Variants in LPP observed in about 807,000 individuals in gnomAD.
LPP encodes the protein LIM domain containing preferred translocation partner in lipoma.
A neutral mutation model predicts 60.4 loss-of-function variants in LPP; 38 were observed. The ratio of observed to expected loss-of-function variants is 0.63; its 90% CI spans 0.49 to 0.83. The LOEUF (loss-of-function observed/expected upper bound fraction) is 0.83. LPP is among the 40% of genes least tolerant of loss of function. The probability of loss-of-function intolerance (pLI) is 0.00; values close to 1 mark genes in which losing one functional copy is unlikely to be tolerated. For missense variants in LPP, 902 were observed against 783.6 expected (o/e 1.15, Z -1.80); for synonymous variants, 328 against 290.8 (o/e 1.13, Z -1.30).
rs1372444361 is a variant in LPP, at chr3:188,320,538, G to T, written c.-66-21125G>T. On this transcript the variant is annotated intron_variant, in intron 2 of 11. Transcript: ENST00000617246. ...CACTTGGGAAAGCAGGAAGGAGTAA[G>T]AAACGGAACTCGCCCATTCCTGACA... Among the ~76,000 whole-genome samples, 8 of 152,312 alleles carry T rather than the reference G, an allele frequency of 5.3e-5. No individual in the cohort carries two copies. In the South Asian group the frequency reaches 8.3e-4, roughly 16 times the overall value.
chr3:188,420,052 A>G (rs1787366523), intron 4 of LPP, among the ~76,000 whole-genome samples: 1 of 152,086 alleles, frequency 6.6e-6, no homozygotes, highest in African/African-American at 2.4e-5. Context: ...AAATATGAAC[A>G]TTAGCTCTGA....
At chr3:188,587,070 G>A (rs1837657626) in intron 6 of LPP, among the ~76,000 whole-genome samples, 1 of 1,062 alleles carries the variant, frequency 9.4e-4, no homozygotes, top group African/African-American at 1.2e-3. Flanking sequence ...CTGGCCGGGC[G>A]CGGTGGCTCA....
In LPP at chr3:188,808,865, T is replaced by C. The variant is rs116606176; in HGVS notation, c.1410+48583T>C. Among the ~76,000 whole-genome samples the C allele has an allele frequency of 2.2e-3, 340 of 152,250 alleles. 2 individuals are homozygous for C. Among genetic ancestry groups the C allele is most frequent in the African/African-American group, 7.9e-3 (330 of 41,556 alleles). On this transcript the variant is annotated intron_variant, in intron 9 of 11. Coordinates refer to ENST00000617246, the MANE Select transcript of LPP (RefSeq NM_001375462.1). The stretch of plus-strand genomic sequence containing the variant: ...TCCCCCAACAGGCTCAGATGTATGT[T>C]GTGCTTCTCCCTGTGTCCATGTGAT...
At chr3:188,218,120 G>A (rs987095317) in intron 1 of LPP, among the ~76,000 whole-genome samples, 2 of 152,194 alleles carry the variant, frequency 1.3e-5, no homozygotes, top group Non-Finnish European at 2.9e-5. Context: ...GGTCTGGAAG[G>A]CTCAGTGGGA....
chr3:188,286,579 T>C (rs1743988064), intron 2 of LPP, among the ~76,000 whole-genome samples: 1 of 152,154 alleles, frequency 6.6e-6, no homozygotes, highest in African/African-American at 2.4e-5. Context: ...TTTTTGTAAA[T>C]AATAATACAA....
At chr3:188,730,020 C>G (rs1453486121) in intron 8 of LPP, among the ~76,000 whole-genome samples, 1 of 152,056 alleles carries the variant, frequency 6.6e-6, no homozygotes, top group Non-Finnish European at 1.5e-5. Context: ...GTGAATAATC[C>G]ACCAGATTCA....
chr3:188,307,515 A>G (rs768178704), intron 2 of LPP, among the ~76,000 whole-genome samples: 1 of 152,156 alleles, frequency 6.6e-6, no homozygotes, highest in Non-Finnish European at 1.5e-5. Context: ...ATTTTTGAGT[A>G]TTTATTGTTC....
chr3:188,592,557 G>GTTGTTGTTTGTTTTTTT (rs1553936334), intron 6 of LPP, among the ~76,000 whole-genome samples: 3 of 85,750 alleles, frequency 3.5e-5, no homozygotes, highest in Non-Finnish European at 4.6e-5. Flanking sequence ...TTTTGTTTTT[G>GTTGTTGTTTGTTTTTTT]TTTTTTAAAT....
chr3:188,199,231 A>C (rs547767477), intron 1 of LPP, among the ~76,000 whole-genome samples: 1 of 152,274 alleles, frequency 6.6e-6, no homozygotes, highest in Non-Finnish European at 1.5e-5. Flanking sequence ...AAAGAGAGCG[A>C]GTGAGCATTA....
intron 9 of LPP, among the ~76,000 whole-genome samples, chr3:188,798,053 G>A (rs766948408): frequency 6.6e-6 from 1 of 152,092 alleles, no homozygotes; most frequent in Admixed American, 6.6e-5. Flanking sequence ...CCTGACTCAT[G>A]TCAGGTTCCC....
rs147449565 is a variant in LPP, at chr3:188,310,540, A to G, written c.-66-31123A>G. ...AGAGTTGCTCAATCTTTGCCTACAC[A>G]TTGAAATAATTGTGTTGAAGAGTCT... On this transcript the variant is annotated intron_variant, in intron 2 of 11. Transcript: ENST00000617246. Among the ~76,000 whole-genome samples the G allele has an allele frequency of 2.0e-3, 304 of 152,344 alleles. 1 individual carries two copies. Among genetic ancestry groups the G allele is most frequent in the African/African-American group, 7.1e-3 (296 of 41,580 alleles).
chr3:188,240,353 G>GTA, intron 2 of LPP, among the ~76,000 whole-genome samples: 1 of 145,110 alleles, frequency 6.9e-6, no homozygotes, highest in African/African-American at 2.8e-5. Context: ...GTGTGTGTGT[G>GTA]TGTGTGTGTG....
At chr3:188,699,380 A>G (rs1420579845) in intron 7 of LPP, among the ~76,000 whole-genome samples, 1 of 152,152 alleles carries the variant, frequency 6.6e-6, no homozygotes, top group Non-Finnish European at 1.5e-5. Flanking sequence ...AACTCTTCCA[A>G]CAACTCCTCC....
chr3:188,872,821 G>A, intron 11 of LPP, 58 bp downstream of exon 11: 2 of 1,608,360 alleles, frequency 1.2e-6, no homozygotes, highest in Non-Finnish European at 1.7e-6. Context: ...GCTCGTTCGA[G>A]CTAGGTTTAC....
At chr3:188,395,134 G>C (rs1238864466) in intron 3 of LPP, among the ~76,000 whole-genome samples, 2 of 151,806 alleles carry the variant, frequency 1.3e-5, no homozygotes, top group African/African-American at 2.4e-5. Flanking sequence ...TTATATCTCT[G>C]GTACCACTTT....
chr3:188,777,417 G>A (rs530771265), intron 9 of LPP, among the ~76,000 whole-genome samples: 1 of 152,198 alleles, frequency 6.6e-6, no homozygotes, highest in Admixed American at 6.5e-5. Context: ...GGCATTGGGG[G>A]TATGAAATTG....
chr3:188,429,229 T>C (rs1790289412), intron 4 of LPP, among the ~76,000 whole-genome samples: 2 of 152,192 alleles, frequency 1.3e-5, no homozygotes, highest in Admixed American at 1.3e-4. Context: ...CAGTTCAATT[T>C]ATATGTGCAA....
intron 1 of LPP, among the ~76,000 whole-genome samples, chr3:188,166,657 G>A (rs1410221819): frequency 1.3e-5 from 2 of 152,142 alleles, no homozygotes; most frequent in Non-Finnish European, 2.9e-5. Context: ...ATTGAACCAG[G>A]ACTTAAGTTT....
At chr3:188,632,400 G>A (rs1038249144) in intron 7 of LPP, among the ~76,000 whole-genome samples, 2 of 152,292 alleles carry the variant, frequency 1.3e-5, no homozygotes, top group Admixed American at 1.3e-4. Context: ...GCCTGGGTGG[G>A]GAGACTGGGA....
Sources: gnomAD v4.1 joint callset for allele counts (sites outside exome capture counted in the v4.1 genomes callset) on GRCh38, gnomAD v4.1.1 for gene constraint, MANE v1.5 for transcripts, NCBI Gene and HGNC (gene_info 2026-07-23, HGNC 2026-07-21) for gene names.